The following COP1 variants were observed in gnomAD, a reference collection of about 807,000 sequenced individuals.
The protein encoded by COP1 is COP1 E3 ubiquitin ligase.
Under a neutral mutation model 101.3 loss-of-function variants are expected in COP1, and 24 were observed. The observed-to-expected ratio is 0.24, with a 90% CI of 0.17 to 0.33. The LOEUF (loss-of-function observed/expected upper bound fraction) is 0.33, where lower values mean the gene tolerates loss of function less well. Among genes scored for constraint, COP1 ranks in the 10% least tolerant of loss-of-function variants. The pLI is 1.00. For synonymous variants in COP1, 347 were observed against 341.9 expected, an observed-to-expected ratio of 1.01 and a Z score of -0.17; for missense variants, 663 against 906.2, an observed-to-expected ratio of 0.73 and a Z score of 3.45.
At chr1:176,185,081 T>C (rs1295041854) in intron 1 of COP1, among the ~76,000 whole-genome samples, 2 of 152,210 alleles carry the variant, frequency 1.3e-5, no homozygotes, top group African/African-American at 2.4e-5. Context: ...AATACTCTTT[T>C]CTTCCTATCC....
At chr1:176,167,221 C>T (rs1162720771) in intron 3 of COP1, among the ~76,000 whole-genome samples, 2 of 152,110 alleles carry the variant, frequency 1.3e-5, no homozygotes, top group Admixed American at 6.5e-5. Context: ...AGCTTACAAA[C>T]AAGAATAGCA....
intron 9 of COP1, among the ~76,000 whole-genome samples, chr1:176,092,058 G>A (rs1681428199): frequency 6.6e-6 from 1 of 152,106 alleles, no homozygotes; most frequent in Non-Finnish European, 1.5e-5. Flanking sequence ...TGTAATAAGA[G>A]AGCCTTAACA....
chr1:175,955,534 A>C (rs1037085014), intron 18 of COP1, among the ~76,000 whole-genome samples: 1 of 152,142 alleles, frequency 6.6e-6, no homozygotes, highest in African/African-American at 2.4e-5. Context: ...GATCTGAAAA[A>C]AGAAAACTGT....
chr1:175,998,056 GTATA>G (rs1326559855), intron 15 of COP1, among the ~76,000 whole-genome samples: 8 of 75,972 alleles, frequency 1.1e-4, no homozygotes, highest in African/African-American at 5.1e-4. Context: ...AAAACTTAGA[GTATA>G]ATTAAAAAAA....
intron 18 of COP1, among the ~76,000 whole-genome samples, chr1:175,966,597 T>C (rs1652069904): frequency 6.6e-6 from 1 of 152,136 alleles, no homozygotes; most frequent in South Asian, 2.1e-4. Context: ...AGTAAGCTTA[T>C]CACATGTCTG....
intron 5 of COP1, among the ~76,000 whole-genome samples, chr1:176,157,932 C>T (rs1266187870): frequency 6.6e-6 from 1 of 152,116 alleles, no homozygotes; most frequent in East Asian, 1.9e-4. Context: ...TAAAGAACAA[C>T]TTCAACTAGC....
At chr1:175,982,350 T>C in intron 18 of COP1, 1 of 456,568 alleles carries the variant, frequency 2.2e-6, no homozygotes. Flanking sequence ...AACACAGGTT[T>C]GAACTGTGAG....
chr1:176,062,224 G>A (rs967888456), intron 11 of COP1, among the ~76,000 whole-genome samples: 19 of 151,998 alleles, frequency 1.3e-4, no homozygotes, highest in African/African-American at 4.1e-4. Flanking sequence ...GGATGGTCTC[G>A]ATCTCCTGAC....
intron 2 of COP1, among the ~76,000 whole-genome samples, chr1:176,177,581 T>C (rs957236472): frequency 6.6e-6 from 1 of 152,088 alleles, no homozygotes; most frequent in Non-Finnish European, 1.5e-5. Flanking sequence ...CAGGTTTCTA[T>C]AATAGTAAGT....
intron 3 of COP1, among the ~76,000 whole-genome samples, chr1:176,173,078 C>T (rs1315692904): frequency 6.6e-6 from 1 of 151,890 alleles, no homozygotes; most frequent in Non-Finnish European, 1.5e-5. Flanking sequence ...TTCGGGAGGC[C>T]GAGGTGGGTG....
chr1:175,969,062 C>T (rs141880067), intron 18 of COP1, among the ~76,000 whole-genome samples: 1 of 152,320 alleles, frequency 6.6e-6, no homozygotes, highest in East Asian at 1.9e-4. Flanking sequence ...AAATTTCCTC[C>T]AGACTACTCT....
At chr1:176,042,798 C>T (rs982003030) in intron 14 of COP1, among the ~76,000 whole-genome samples, 5 of 146,570 alleles carry the variant, frequency 3.4e-5, no homozygotes, top group African/African-American at 1.3e-4. Flanking sequence ...GCCGAGGCAG[C>T]AAGGCAGATC....
At chr1:176,155,262 A>C (rs977702163) in intron 5 of COP1, among the ~76,000 whole-genome samples, 1 of 152,124 alleles carries the variant, frequency 6.6e-6, no homozygotes, top group African/African-American at 2.4e-5. Context: ...GCCCCAGTTA[A>C]GCTGAATTCC....
intron 18 of COP1, among the ~76,000 whole-genome samples, chr1:175,970,971 G>A (rs888291291): frequency 6.6e-6 from 1 of 152,138 alleles, no homozygotes; most frequent in Non-Finnish European, 1.5e-5. Flanking sequence ...ACATAAAGCT[G>A]TTAGAAGTAA....
intron 5 of COP1, among the ~76,000 whole-genome samples, chr1:176,153,419 G>A (rs1224470849): frequency 2.6e-5 from 4 of 152,178 alleles, no homozygotes; most frequent in African/African-American, 9.6e-5. Flanking sequence ...GAATACTAGT[G>A]ATTTCTGTAC....
Position 175,976,891 on chromosome 1 carries a change from G to A in COP1, c.2133+10052C>T, listed in dbSNP as rs77012387. ...TTGAAAGTTGTAACAAGTCTTCTTA[G>A]CAATTAAAAGAAAAAATGATAAACT... On this transcript the variant is annotated intron_variant, in intron 18 of 19. Coordinates refer to ENST00000367669, the MANE Select transcript of COP1 (RefSeq NM_022457.7). Among the ~76,000 whole-genome samples the A allele has an allele frequency of 9.5e-3, 1,445 of 152,132 alleles. 9 individuals carry two copies. The highest frequency in any genetic ancestry group is 0.036 in the South Asian group (172 of 4,824).
intron 11 of COP1, among the ~76,000 whole-genome samples, chr1:176,049,640 T>C: frequency 6.6e-6 from 1 of 152,108 alleles, no homozygotes. Flanking sequence ...ATTTAAGGAC[T>C]TCTAGATACT....
At chr1:176,196,483 T>C (rs1354791661) in intron 1 of COP1, among the ~76,000 whole-genome samples, 3 of 152,138 alleles carry the variant, frequency 2.0e-5, no homozygotes, top group Non-Finnish European at 1.5e-5. Context: ...ATTATGCCAA[T>C]AAATTCAGCA....
chr1:175,972,622 G>A (rs1455064370), intron 18 of COP1, among the ~76,000 whole-genome samples: 1 of 151,308 alleles, frequency 6.6e-6, no homozygotes, highest in Non-Finnish European at 1.5e-5. Flanking sequence ...CCACGGCCAT[G>A]CCCGGCTAAT....
Sources: gnomAD v4.1 joint callset for allele counts (sites outside exome capture counted in the v4.1 genomes callset) on GRCh38, gnomAD v4.1.1 for gene constraint, MANE v1.5 for transcripts, NCBI Gene and HGNC (gene_info 2026-07-23, HGNC 2026-07-21) for gene names.